The following CDAN1 variants were observed in gnomAD, a reference collection of about 807,000 sequenced individuals.
CDAN1 encodes codanin-1.
In CDAN1, 107 loss-of-function variants were observed where a neutral mutation model predicts 139.8. The ratio of observed to expected loss-of-function variants is 0.77; its 90% CI spans 0.65 to 0.90. CDAN1 has a LOEUF of 0.90. Among genes scored for constraint, CDAN1 ranks in the 40% least tolerant of loss-of-function variants. The pLI, the probability that CDAN1 is intolerant of heterozygous loss-of-function variation, is 0.00. For missense variants in CDAN1, 1,667 were observed against 1,575.7 expected, an observed-to-expected ratio of 1.06 and a Z score of -0.98; for synonymous variants, 776 against 660.6, an observed-to-expected ratio of 1.17 and a Z score of -2.68.
At position 42,726,267 on chromosome 15, in the gene CDAN1, G is replaced by A. The variant is rs747252024; in HGVS notation, c.3204+43C>T. On this transcript the variant is annotated intron_variant, in intron 24 of 27. Transcript: ENST00000356231. ...GCTCTGGTTATCAGGTCTCACACAA[G>A]GACACAGAAAAAAGCCCCCCGGTGG... The A allele has an allele frequency of 3.1e-6, 5 of 1,593,952 alleles. No individual in the cohort carries two copies. The South Asian group carries it at 4.5e-5, about 14-fold the overall frequency.
chr15:42,732,108 A>T (rs2061621325), intron 10 of CDAN1, among the ~76,000 whole-genome samples: 1 of 152,262 alleles, frequency 6.6e-6, no homozygotes, highest in Admixed American at 6.5e-5. Flanking sequence ...CAGGGAAGGC[A>T]GCAGCAGGCT....
At position 42,733,695 on chromosome 15, in the gene CDAN1, TCTTG is replaced by T. The variant is rs142748176; in HGVS notation, c.1367+239_1367+242del. Among the ~76,000 whole-genome samples the T allele has an allele frequency of 0.021, 3,187 of 152,326 alleles. 96 individuals are homozygous for T. Among genetic ancestry groups the T allele is most frequent in the East Asian group, 0.08 (417 of 5,184 alleles). ...GCAGTGACAGTTCATCCTGGCACAC[TCTTG>T]CTTGAGAACCCTGAGACTAAAACCA... On this transcript the variant is annotated intron_variant, in intron 8 of 27. Transcript: ENST00000356231.
chr15:42,729,063 C>T lies in CDAN1; in HGVS notation c.2605G>A (p.Val869Met), dbSNP rs370895637. Residue 869 changes from valine to methionine, a missense_variant, in exon 19 of 28, where the codon GTG (valine) becomes ATG (methionine). Around this residue, in one of 3 missense-constraint regions of CDAN1, gnomAD observed 936 missense variants for 844.1 expected, o/e 1.11. Coordinates refer to ENST00000356231, the MANE Select transcript of CDAN1 (RefSeq NM_138477.4). ...PPSLRRTVEF[V>M]AERIGSNCVK... is the part of the protein sequence containing the mutation. ...CAGTTTGATCCAATTCTTTCTGCCA[C>T]GAACTCTACGGTCCGGCGCAAGGAG... The T allele has an allele frequency of 3.5e-5, 57 of 1,614,092 alleles. No individual in the cohort carries two copies. Among genetic ancestry groups the T allele is most frequent in the Middle Eastern group, 1.6e-4 (1 of 6,084 alleles).
Position 42,730,619 on chromosome 15 carries a change from G to C in CDAN1, c.2153C>G (p.Thr718Ser). The stretch of plus-strand genomic sequence containing the variant: ...TCACCGGTGCAGGCGCAGCAGGAGA[G>C]TGAAGATGTCCCGGTAATATTCCAG... ...PLLEYYRDIFTLLLRLHRSLV... is the reference protein window; with the variant it reads ...PLLEYYRDIFSLLLRLHRSLV... Residue 718 changes from threonine (T) to serine (S), a missense_variant, in exon 14 of 28, where the codon ACT becomes AGT. Transcript: ENST00000356231. 1 of 1,614,240 alleles carries C rather than the reference G, an allele frequency of 6.2e-7. No individual in the cohort carries two copies. Among genetic ancestry groups the C allele is most frequent in the Non-Finnish European group, 8.5e-7 (1 of 1,180,046 alleles).
chr15:42,730,463 C>T lies in CDAN1; in HGVS notation c.2174+135G>A, dbSNP rs1432556352. 2.7e-6 allele frequency: 3 copies of T among 1,095,532 alleles called. No homozygotes were observed. The East Asian group carries it at 7.7e-5, about 28-fold the overall frequency. The allele number at this position is 1,095,532 out of a possible 1,614,324, so 67.9% of individuals were successfully genotyped here. A position where few individuals can be genotyped will look rare whatever the true frequency, so the allele number is the denominator to read the frequency against. Reference sequence around the variant, plus strand: ...TGTACCTCAGGGGAGCCAATCGTGCCTCTCCCAGGGCTCAGTTATGGCCAG... The same window carrying T: ...TGTACCTCAGGGGAGCCAATCGTGCTTCTCCCAGGGCTCAGTTATGGCCAG... On this transcript the variant is annotated intron_variant, in intron 14 of 27. Transcript: ENST00000356231.
intron 8 of CDAN1, among the ~76,000 whole-genome samples, 195 bp downstream of exon 8, chr15:42,733,743 T>G (rs984742459): frequency 2.0e-5 from 3 of 152,222 alleles, no homozygotes; most frequent in African/African-American, 7.2e-5. Context: ...TGAGATGGCT[T>G]GCTAAGCGCC....
chr15:42,729,190 C>G (rs768371726), intron 18 of CDAN1, 39 bp downstream of exon 18: 3 of 1,611,566 alleles, frequency 1.9e-6, no homozygotes, highest in Non-Finnish European at 2.5e-6. Flanking sequence ...CCCCAACCCC[C>G]CCTCATTTTC....
At position 42,731,644 on chromosome 15, in the gene CDAN1, C is replaced by T. The variant is rs370515022; in HGVS notation, c.1715G>A (p.Arg572Lys). The change falls in exon 11 of 28, where the codon AGG (arginine) becomes AAG (lysine). Residue 572 changes from arginine (R) to lysine (K), a missense_variant. Arg to Lys is a conservative substitution (Grantham distance 26). Coordinates refer to ENST00000356231, the MANE Select transcript of CDAN1 (RefSeq NM_138477.4). Reference sequence around the variant, plus strand: ...CCTGCTGGCACTAAGGATGAAGTCCCTAAAGAAGCCTTGACAGCCTGGGAA... The same window carrying T: ...CCTGCTGGCACTAAGGATGAAGTCCTTAAAGAAGCCTTGACAGCCTGGGAA... ...PTFPGCQGFF[R>K]DFILSASSFQ... is the part of the protein sequence containing the mutation. The T allele has an allele frequency of 3.7e-6, 6 of 1,614,126 alleles. No homozygotes were observed. Among genetic ancestry groups the T allele is most frequent in the Non-Finnish European group, 5.1e-6 (6 of 1,180,004 alleles).
chr15:42,728,815 A>G lies in CDAN1; in HGVS notation c.2646-5T>C, dbSNP rs2061567834. 15 of 1,614,204 alleles carry G rather than the reference A, an allele frequency of 9.3e-6. No individual in the cohort carries two copies. Among genetic ancestry groups the G allele is most frequent in the Non-Finnish European group, 1.3e-5 (15 of 1,180,012 alleles). On this transcript the variant is annotated splice_polypyrimidine_tract_variant and splice_region_variant and intron_variant, in intron 19 of 27. Transcript: ENST00000356231. The stretch of plus-strand genomic sequence containing the variant: ...AGATCTGCCACCAGTGTAGCCCTGC[A>G]GCAGGGACAGCAAGGTTGGGGATGG...
In CDAN1 at chr15:42,735,940, C is replaced by G; in HGVS notation, c.708G>C (p.Trp236Cys). The part of the protein sequence containing the change: ...SQPSALDTSP[W>C]GLGLPPGCRS... ...TGCACCCTGGGGGAAGGCCAAGGCCCCAAGGGCTAGTGTCCAGGGCTGAGG... is the reference window on the plus strand; with the variant it reads ...TGCACCCTGGGGGAAGGCCAAGGCCGCAAGGGCTAGTGTCCAGGGCTGAGG... Residue 236 changes from tryptophan to cysteine, a missense_variant, in exon 3 of 28, where the codon TGG becomes TGC. Around this residue, in one of 3 missense-constraint regions of CDAN1, gnomAD observed 487 missense variants for 422.2 expected, o/e 1.15. Coordinates refer to ENST00000356231, the MANE Select transcript of CDAN1 (RefSeq NM_138477.4). 1 of 1,614,178 alleles carries G rather than the reference C, an allele frequency of 6.2e-7. No individual in the cohort carries two copies. Among genetic ancestry groups the G allele is most frequent in the Non-Finnish European group, 8.5e-7 (1 of 1,180,030 alleles).
At chr15:42,725,971 G>A (rs927454348) in intron 25 of CDAN1, 126 bp downstream of exon 25, 17 of 631,458 alleles carry the variant, frequency 2.7e-5, no homozygotes, top group Non-Finnish European at 3.7e-5. Context: ...ACAAGATTCC[G>A]TCTCAAAAAA....
chr15:42,728,388 T>TGG, intron 20 of CDAN1, 121 bp from the exon 21 acceptor site: 1 of 1,136,068 alleles, frequency 8.8e-7, no homozygotes, highest in Non-Finnish European at 1.3e-6. Context: ...AGGCACCGTT[T>TGG]GCCCTCCCGC....
intron 9 of CDAN1, 101 bp downstream of exon 9, chr15:42,732,996 G>T: frequency 2.2e-6 from 2 of 906,154 alleles, no homozygotes; most frequent in Non-Finnish European, 1.8e-6. Context: ...CTAATGGCTG[G>T]TAGGAGCGGG....
At chr15:42,727,179 CTT>C (rs2061539890) in intron 23 of CDAN1, 2 of 159,854 alleles carry the variant, frequency 1.3e-5, no homozygotes, top group Middle Eastern at 3.2e-3. Flanking sequence ...TCTAGAGAGT[CTT>C]TGAGTTTTAA....
chr15:42,728,624 G>C (rs2061564520), intron 20 of CDAN1, 28 bp downstream of exon 20: 2 of 1,613,148 alleles, frequency 1.2e-6, no homozygotes, highest in East Asian at 2.2e-5. Context: ...CAAGAGGAGA[G>C]TGGATCAAAT....
At chr15:42,729,191 C>A in intron 18 of CDAN1, 38 bp downstream of exon 18, 1 of 1,611,604 alleles carries the variant, frequency 6.2e-7, no homozygotes, top group Non-Finnish European at 8.5e-7. Context: ...CCCAACCCCC[C>A]CTCATTTTCC....
At chr15:42,734,371 C>T in intron 6 of CDAN1, 25 bp from the exon 7 acceptor site, 2 of 1,613,832 alleles carry the variant, frequency 1.2e-6, no homozygotes, top group Non-Finnish European at 1.7e-6. Flanking sequence ...GCACCTATGA[C>T]TGAGACCAGA....
intron 23 of CDAN1, chr15:42,727,333 C>G: frequency 2.8e-6 from 1 of 361,292 alleles, no homozygotes; most frequent in East Asian, 4.3e-5. Context: ...AAGCCATTCA[C>G]CACCGCACTC....
chr15:42,730,191 ACT>A lies in CDAN1; in HGVS notation c.2197_2198del (p.Ser733Ter). ...TGTTCAGGAAACACATCTTCCCCTC[ACT>A]CTCCTGCGACAACACCAAGCTCCTG... is the stretch of plus-strand genomic sequence containing the variant. Reference protein sequence around the residue: ...LHRSLVLSQESEGKMCFLNKL... With the variant: ...LHRSLVLSQEXEGKMCFLNKL... On this transcript the variant is annotated frameshift_variant, in exon 15 of 28. Coordinates refer to ENST00000356231, the MANE Select transcript of CDAN1 (RefSeq NM_138477.4). LOFTEE classifies it high-confidence loss of function. The A allele has an allele frequency of 1.9e-6, 3 of 1,613,704 alleles. No homozygotes were observed. Among genetic ancestry groups the A allele is most frequent in the Non-Finnish European group, 2.5e-6 (3 of 1,179,942 alleles).
Sources: gnomAD v4.1 joint callset for allele counts (sites outside exome capture counted in the v4.1 genomes callset) on GRCh38, gnomAD v4.1.1 for gene constraint, gnomAD v4.1.1 regional missense constraint, MANE v1.5 for transcripts, NCBI Gene and HGNC (gene_info 2026-07-23, HGNC 2026-07-21) for gene names.